Variants in LRP1B observed in about 807,000 individuals in gnomAD.
LRP1B encodes LDL receptor related protein 1B, also known as low-density lipoprotein receptor-related protein 1B.
LRP1B carries 217 observed loss-of-function variants against 556.6 expected under a neutral mutation model. The observed-to-expected ratio is 0.39, with a 90% confidence interval of 0.35 to 0.44. The LOEUF is 0.44. Among genes scored for constraint, LRP1B ranks in the 20% least tolerant of loss-of-function variants. The pLI is 1.00. For missense variants in LRP1B, 5,053 were observed against 5,620.8 expected, an observed-to-expected ratio of 0.90 and a Z score of 3.23; for synonymous variants, 2,047 against 1,865.8, an observed-to-expected ratio of 1.10 and a Z score of -2.50.
At chr2:142,122,335 G>T (rs1457087254) in intron 1 of LRP1B, among the ~76,000 whole-genome samples, 1 of 152,144 alleles carries the variant, frequency 6.6e-6, no homozygotes, top group African/African-American at 2.4e-5. Context: ...AAACGTGCTA[G>T]GAGAAGGAAC....
chr2:141,288,075 T>G (rs1209058987), intron 3 of LRP1B, among the ~76,000 whole-genome samples: 1 of 152,186 alleles, frequency 6.6e-6, no homozygotes, highest in Admixed American at 6.5e-5. Flanking sequence ...CTATCTACTA[T>G]CCCAACACTT....
intron 2 of LRP1B, among the ~76,000 whole-genome samples, chr2:141,610,180 G>C (rs72855500): frequency 1.4e-5 from 2 of 140,374 alleles, no homozygotes; most frequent in African/African-American, 5.1e-5. Context: ...CCTATTTCGT[G>C]GGGGGAGGGA....
intron 3 of LRP1B, among the ~76,000 whole-genome samples, chr2:141,386,542 T>TA (rs1689841203): frequency 6.6e-6 from 1 of 151,774 alleles, no homozygotes; most frequent in Admixed American, 6.6e-5. Flanking sequence ...TCCATGCAAA[T>TA]AGCACCAAAA....
intron 1 of LRP1B, among the ~76,000 whole-genome samples, chr2:141,906,201 T>C (rs1699756122): frequency 6.6e-6 from 1 of 151,748 alleles, no homozygotes; most frequent in East Asian, 1.9e-4. Context: ...TACACTAAAA[T>C]AATTTTTTTA....
chr2:140,657,093 A>AAATGC (rs1684905642), intron 41 of LRP1B, among the ~76,000 whole-genome samples: 1 of 152,142 alleles, frequency 6.6e-6, no homozygotes, highest in Admixed American at 6.5e-5. Context: ...ATATAATAGT[A>AAATGC]CTGATAGGCA....
chr2:140,330,906 C>T (rs1680776304), intron 79 of LRP1B, among the ~76,000 whole-genome samples: 1 of 151,810 alleles, frequency 6.6e-6, no homozygotes, highest in Non-Finnish European at 1.5e-5. Flanking sequence ...GTGCAAAGGA[C>T]AAGAACAGAC....
intron 2 of LRP1B, among the ~76,000 whole-genome samples, chr2:141,795,894 A>ATATATATATG (rs1695794998): frequency 1.3e-5 from 1 of 79,060 alleles, no homozygotes; most frequent in Non-Finnish European, 2.7e-5. Flanking sequence ...ATATATATAT[A>ATATATATATG]TATATAATCT....
intron 3 of LRP1B, among the ~76,000 whole-genome samples, chr2:141,424,988 A>G (rs1573930966): frequency 6.6e-6 from 1 of 152,034 alleles, no homozygotes; most frequent in Non-Finnish European, 1.5e-5. Context: ...TTACATATGT[A>G]TACATGTGCC....
chr2:141,444,431 C>T (rs140891580), intron 3 of LRP1B, among the ~76,000 whole-genome samples: 1 of 152,124 alleles, frequency 6.6e-6, no homozygotes, highest in African/African-American at 2.4e-5. Context: ...TTTCACTTGC[C>T]TGATTGTCTT....
chr2:140,822,023 A>G (rs954213048), intron 31 of LRP1B, among the ~76,000 whole-genome samples: 1 of 152,120 alleles, frequency 6.6e-6, no homozygotes, highest in Non-Finnish European at 1.5e-5. Flanking sequence ...AAAAAAGAAT[A>G]AAGGGGAAAC....
chr2:140,286,181 C>T (rs184040236), intron 84 of LRP1B, among the ~76,000 whole-genome samples: 4 of 151,890 alleles, frequency 2.6e-5, no homozygotes, highest in African/African-American at 9.6e-5. Flanking sequence ...GAAAGCAGGG[C>T]ACTATGGAAG....
At chr2:141,068,817 C>A (rs1351420092) in intron 7 of LRP1B, among the ~76,000 whole-genome samples, 1 of 151,842 alleles carries the variant, frequency 6.6e-6, no homozygotes, top group Non-Finnish European at 1.5e-5. Flanking sequence ...CTTTTTCATT[C>A]CTATATATCA....
chr2:140,616,033 G>A (rs987578981), intron 41 of LRP1B, among the ~76,000 whole-genome samples: 5 of 151,836 alleles, frequency 3.3e-5, no homozygotes, highest in African/African-American at 1.2e-4. Flanking sequence ...TAAGTTTGGA[G>A]CAATCCAACA....
At chr2:141,862,670 G>A (rs1352796689) in intron 1 of LRP1B, among the ~76,000 whole-genome samples, 4 of 152,196 alleles carry the variant, frequency 2.6e-5, no homozygotes, top group African/African-American at 9.6e-5. Context: ...GCCTCCCAAA[G>A]TGCTGGGATT....
intron 2 of LRP1B, among the ~76,000 whole-genome samples, chr2:141,487,003 C>T (rs74526839): frequency 0.12 from 18,038 of 152,094 alleles, 1,556 homozygotes; most frequent in Non-Finnish European, 0.18. Flanking sequence ...AGAACATTTT[C>T]CACCATTCTT....
chr2:141,493,808 G>T (rs1015759202), intron 2 of LRP1B, among the ~76,000 whole-genome samples: 2 of 152,138 alleles, frequency 1.3e-5, no homozygotes, highest in East Asian at 1.9e-4. Context: ...AACTGTATTT[G>T]TCTGTTTTCA....
chr2:141,483,335 G>A (rs1374790550), intron 2 of LRP1B, among the ~76,000 whole-genome samples: 1 of 150,114 alleles, frequency 6.7e-6, no homozygotes, highest in Non-Finnish European at 1.5e-5. Context: ...GTGTATATGT[G>A]CCACATTTGC....
intron 1 of LRP1B, among the ~76,000 whole-genome samples, chr2:142,079,204 T>A (rs1464385669): frequency 6.6e-6 from 1 of 152,150 alleles, no homozygotes; most frequent in Admixed American, 6.6e-5. Flanking sequence ...GACAGACAAC[T>A]GTTACATGAA....
chr2:140,532,336 C>T (rs1251561966), intron 47 of LRP1B, among the ~76,000 whole-genome samples: 1 of 151,916 alleles, frequency 6.6e-6, no homozygotes, highest in Non-Finnish European at 1.5e-5. Context: ...GCACAAAATG[C>T]ACCTTCATGC....
Sources: gnomAD v4.1 joint callset for allele counts (sites outside exome capture counted in the v4.1 genomes callset) on GRCh38, gnomAD v4.1.1 for gene constraint, MANE v1.5 for transcripts, NCBI Gene and HGNC (gene_info 2026-07-23, HGNC 2026-07-21) for gene names.